CARD10: variants seen among roughly 807,000 people sequenced by gnomAD.
The protein encoded by CARD10 is caspase recruitment domain family member 10.
In CARD10, 49 loss-of-function variants were observed where a neutral mutation model predicts 114.6. The observed-to-expected ratio is 0.43, with a 90% CI of 0.34 to 0.54. The LOEUF is 0.54. Ranked by LOEUF, CARD10 falls within the 20% of genes least tolerant of loss-of-function variation. CARD10 has a pLI of 0.03. For missense variants in CARD10, 1,206 were observed against 1,397.2 expected, an observed-to-expected ratio of 0.86 and a Z score of 2.18; for synonymous variants, 602 against 593.2, an observed-to-expected ratio of 1.01 and a Z score of -0.21.
chr22:37,502,463 A>G, intron 11 of CARD10, 139 bp downstream of exon 11: 2 of 983,076 alleles, frequency 2.0e-6, no homozygotes, highest in Non-Finnish European at 2.9e-6. Context: ...ATTGGAATCC[A>G]AGGGCTGCCA....
At chr22:37,512,987 G>A (rs540702914) in intron 3 of CARD10, among the ~76,000 whole-genome samples, 1 of 152,324 alleles carries the variant, frequency 6.6e-6, no homozygotes, top group African/African-American at 2.4e-5. Flanking sequence ...GCCAAGCCAG[G>A]CACGATCAGG....
rs1442945033 is a variant in CARD10, at chr22:37,490,539, G to A, written c.*620C>T. The A allele has an allele frequency of 6.6e-6, 1 of 152,332 alleles. No homozygotes were observed. Among genetic ancestry groups the A allele is most frequent in the African/African-American group, 2.4e-5 (1 of 41,450 alleles). 9.4% of individuals were successfully genotyped at this position (152,332 alleles called of 1,614,324 possible). A position where few individuals can be genotyped will look rare whatever the true frequency, so the allele number is the denominator to read the frequency against. On this transcript the variant is annotated 3_prime_UTR_variant, in exon 20 of 20. Coordinates refer to ENST00000251973, the MANE Select transcript of CARD10 (RefSeq NM_014550.4). ...GCACGGTCCTGAGTGTGCCCGCCAG[G>A]AACGCACACGTGTTAGTGCCCACAT... is the stretch of plus-strand genomic sequence containing the variant.
chr22:37,500,511 C>G (rs1204651691), intron 11 of CARD10, among the ~76,000 whole-genome samples: 2 of 152,108 alleles, frequency 1.3e-5, no homozygotes, highest in African/African-American at 4.8e-5. Context: ...ACCATCCCCT[C>G]CCGGCACCCA....
intron 7 of CARD10, among the ~76,000 whole-genome samples, chr22:37,505,355 C>T (rs1011537218): frequency 6.6e-6 from 1 of 151,986 alleles, no homozygotes; most frequent in Non-Finnish European, 1.5e-5. Flanking sequence ...ACCAGGCCTG[C>T]GGAGCTCACT....
At chr22:37,510,148 A>C (rs371554454) in intron 4 of CARD10, 64 bp downstream of exon 4, 1 of 929,406 alleles carries the variant, frequency 1.1e-6, no homozygotes, top group Middle Eastern at 4.6e-4. Context: ...CACAAGCCCC[A>C]GTACCTGCTG....
At chr22:37,518,214 T>G (rs1373979122) in intron 1 of CARD10, 106 bp from the exon 2 acceptor site, 13 of 1,132,386 alleles carry the variant, frequency 1.1e-5, no homozygotes, top group Non-Finnish European at 1.6e-5. Flanking sequence ...CCCAGATTTT[T>G]GAGCCAGTGA....
chr22:37,495,415 G>C, intron 15 of CARD10, 102 bp downstream of exon 15: 1 of 835,804 alleles, frequency 1.2e-6, no homozygotes, highest in Non-Finnish European at 1.9e-6. Flanking sequence ...GGGAAGGAGG[G>C]AGGGAGTGTC....
In CARD10 at chr22:37,518,083, G is replaced by A; in HGVS notation, c.261C>T (p.Cys87=). The change falls in exon 2 of 20, where the codon TGC becomes TGT. Residue 87 remains cysteine (C), a synonymous_variant. Transcript: ENST00000251973. ...RTGRLMDILR[C]RGKRGYEAFL... ...AGGCCTCATAGCCCCTCTTGCCACG[G>A]CAGCGCAAGATGTCCATCAGGCGCC... 6.2e-7 allele frequency: 1 copy of A among 1,613,898 alleles called. No homozygotes were observed. Among genetic ancestry groups the A allele is most frequent in the Non-Finnish European group, 8.5e-7 (1 of 1,179,890 alleles).
rs988416628 is a variant in CARD10, at chr22:37,501,516, G to A, written c.1787+1086C>T. ...GGACACTGGCTGACCAAGCCGCTCC[G>A]GAGGCCAGAGGCCCTGGTCCTATGC... On this transcript the variant is annotated intron_variant, in intron 11 of 19. Coordinates refer to ENST00000251973, the MANE Select transcript of CARD10 (RefSeq NM_014550.4). The surrounding 1 kb of genome is among the most constrained non-coding windows in gnomAD (Gnocchi z 5.4). 6.6e-5 allele frequency among the ~76,000 whole-genome samples: 10 copies of A among 152,308 alleles called. No individual in the cohort carries two copies. The highest frequency in any genetic ancestry group is 9.6e-5 in the African/African-American group (4 of 41,570).
rs1369169361 is a variant in CARD10 at position 37,510,392 on chromosome 22, C to G, written c.729G>C (p.Arg243=). The change falls in exon 4 of 20, where the codon CGG becomes CGC. Residue 243 remains arginine, a synonymous_variant. Transcript: ENST00000251973. ...GAAGCAGTGCACACTCTTCCTCCAG[C>G]CGACTCACTTTGAGCTTGAGCTGAT... ...AVDQLKLKVS[R]LEEECALLRR... 3 of 1,613,634 alleles carry G rather than the reference C, an allele frequency of 1.9e-6. No homozygotes were observed. Among genetic ancestry groups the G allele is most frequent in the African/African-American group, 2.7e-5 (2 of 74,934 alleles).
chr22:37,500,322 G>A (rs1923166027), intron 11 of CARD10, among the ~76,000 whole-genome samples: 1 of 152,176 alleles, frequency 6.6e-6, no homozygotes, highest in Admixed American at 6.5e-5. Context: ...GGGGCCACGT[G>A]AGCGAGCTGG....
In CARD10 at chr22:37,492,893, C is replaced by T. The variant is rs1404653445; in HGVS notation, c.2477-91G>A. 2.2e-6 allele frequency: 3 copies of T among 1,375,316 alleles called. No individual in the cohort carries two copies. Among genetic ancestry groups the T allele is most frequent in the Non-Finnish European group, 3.0e-6 (3 of 1,013,956 alleles). The allele number at this position is 1,375,316 out of a possible 1,614,324, so 85.2% of individuals were successfully genotyped here. On this transcript the variant is annotated intron_variant, in intron 16 of 19. Coordinates refer to ENST00000251973, the MANE Select transcript of CARD10 (RefSeq NM_014550.4). The surrounding 1 kb of genome is among the most constrained non-coding windows in gnomAD (Gnocchi z 5.7). Reference sequence around the variant, plus strand: ...CCCCAAAACCCACCCCGCCACCCATCCCTTCCTAAGTCCTGCTGCTGCTCC... The same window carrying T: ...CCCCAAAACCCACCCCGCCACCCATTCCTTCCTAAGTCCTGCTGCTGCTCC...
At chr22:37,500,802 A>G (rs742153) in intron 11 of CARD10, among the ~76,000 whole-genome samples, 22,620 of 152,140 alleles carry the variant, frequency 0.15, 1,828 homozygotes, top group Middle Eastern at 0.3. Context: ...AGCTGCTCTG[A>G]GGATTAAACA....
intron 3 of CARD10, among the ~76,000 whole-genome samples, chr22:37,514,215 A>G (rs1923759534): frequency 6.6e-6 from 1 of 151,770 alleles, no homozygotes; most frequent in Non-Finnish European, 1.5e-5. Context: ...AGTGTTGTCC[A>G]CCCCAGCGTA....
rs1922763334 is a variant in CARD10 at position 37,491,283 on chromosome 22, T to C, written c.2975A>G (p.His992Arg). 3 of 1,570,066 alleles carry C rather than the reference T, an allele frequency of 1.9e-6. No homozygotes were observed. The highest frequency in any genetic ancestry group is 2.6e-6 in the Non-Finnish European group (3 of 1,163,962). Residue 992 changes from histidine to arginine, a missense_variant, in exon 20 of 20, where the codon CAT (histidine) becomes CGT (arginine). Physicochemically the swap from His to Arg is conservative, Grantham distance 29 (BLOSUM62 0). Transcript: ENST00000251973. ...CAGCTCCTCTGCGTGTCCCCACTCATGGGCGGGCACCTGCACCCAGGAGCA... is the reference window on the plus strand; with the variant it reads ...CAGCTCCTCTGCGTGTCCCCACTCACGGGCGGGCACCTGCACCCAGGAGCA... The part of the protein sequence containing the change: ...LPCSWVQVPA[H>R]EWGHAEELAK...
rs1325664022 is a variant in CARD10, at chr22:37,491,103, C to T, written c.*56G>A. On this transcript the variant is annotated 3_prime_UTR_variant, in exon 20 of 20. Transcript: ENST00000251973. ...TCAGGGTGGGAGGGCCCAGCTTCAC[C>T]ATAGACACCAGGGTCCACGCTGGCT... 17 of 1,393,918 alleles carry T rather than the reference C, an allele frequency of 1.2e-5. No homozygotes were observed. Among genetic ancestry groups the T allele is most frequent in the Non-Finnish European group, 1.7e-5 (17 of 1,013,108 alleles). 86.3% of individuals were successfully genotyped at this position (1,393,918 alleles called of 1,614,324 possible). A position where few individuals can be genotyped will look rare whatever the true frequency, so the allele number is the denominator to read the frequency against.
At chr22:37,518,562 G>C (rs1923918820) in intron 1 of CARD10, among the ~76,000 whole-genome samples, 1 of 152,196 alleles carries the variant, frequency 6.6e-6, no homozygotes, top group Non-Finnish European at 1.5e-5. Flanking sequence ...ACTTGAAAAA[G>C]GACTCCCCCA....
Position 37,510,426 on chromosome 22 carries a change from A to T in CARD10, c.700-5T>A. On this transcript the variant is annotated splice_region_variant and splice_polypyrimidine_tract_variant and intron_variant, in intron 3 of 19. Transcript: ENST00000251973. ...TTTGAGCTTGAGCTGATCCACCTGG[A>T]GCCCAAGACATGGGTCAGCCCAGAG... 1 of 1,613,158 alleles carries T rather than the reference A, an allele frequency of 6.2e-7. No homozygotes were observed. The highest frequency in any genetic ancestry group is 8.5e-7 in the Non-Finnish European group (1 of 1,179,734).
intron 16 of CARD10, among the ~76,000 whole-genome samples, chr22:37,493,071 C>G (rs1922865662): frequency 6.6e-6 from 1 of 152,186 alleles, no homozygotes; most frequent in Non-Finnish European, 1.5e-5. Flanking sequence ...GTTAACTCCC[C>G]TGCTTTCAAC....
Sources: allele counts gnomAD v4.1 joint callset (sites outside exome capture counted in the v4.1 genomes callset), GRCh38; gene constraint gnomAD v4.1.1; non-coding constraint Gnocchi (gnomAD v3.1); transcripts MANE v1.5; gene names NCBI Gene and HGNC (gene_info 2026-07-23, HGNC 2026-07-21).